Variants in STIM1 observed in about 807,000 individuals in gnomAD.
STIM1 encodes the protein stromal interaction molecule 1.
Under a neutral mutation model 74.7 loss-of-function variants are expected in STIM1, and 25 were observed. That is an observed-to-expected ratio of 0.33 (90% CI 0.24 to 0.47). The LOEUF (loss-of-function observed/expected upper bound fraction) is 0.47. Among genes scored for constraint, STIM1 ranks in the 20% least tolerant of loss-of-function variants. The pLI, the probability that STIM1 is intolerant of heterozygous loss-of-function variation, is 1.00. For missense variants in STIM1, 728 were observed against 920.8 expected (o/e 0.79, Z 2.71); for synonymous variants, 328 against 348.8 (o/e 0.94, Z 0.66).
At chr11:4,082,850 C>T (rs201776812) in intron 8 of STIM1, 32 bp from the exon 9 acceptor site, 3 of 1,588,172 alleles carry the variant, frequency 1.9e-6, no homozygotes, top group African/African-American at 1.3e-5. Flanking sequence ...CGAATCCCTG[C>T]TCTTTTTGAG....
At position 4,012,184 on chromosome 11, in the gene STIM1, T is replaced by G. The variant is rs192184539; in HGVS notation, c.271-11689T>G. Among the ~76,000 whole-genome samples, 32 of 152,352 alleles carry G rather than the reference T, an allele frequency of 2.1e-4. No homozygotes were observed. The East Asian group carries it at 5.6e-3, about 27-fold the overall frequency. The stretch of plus-strand genomic sequence containing the variant: ...ATGCCTCCAGCTTTGTTCTCTTTGC[T>G]TAGGATTGTCTTGGCTATGCGGACT... On this transcript the variant is annotated intron_variant, in intron 2 of 12. Coordinates refer to ENST00000526596, the MANE Select transcript of STIM1 (RefSeq NM_001382567.1).
intron 12 of STIM1, among the ~76,000 whole-genome samples, chr11:4,087,985 G>A (rs374684517): frequency 2.0e-5 from 3 of 152,000 alleles, no homozygotes; most frequent in Non-Finnish European, 4.4e-5. Flanking sequence ...AAAAGGGTAA[G>A]TAATTCCCTC....
chr11:3,954,743 G>A (rs373489162), intron 1 of STIM1, among the ~76,000 whole-genome samples: 16 of 152,106 alleles, frequency 1.1e-4, no homozygotes, highest in Non-Finnish European at 1.8e-4. Context: ...GCAGTCTAGC[G>A]TCACCACGTA....
intron 5 of STIM1, among the ~76,000 whole-genome samples, chr11:4,061,259 G>C (rs1477113958): frequency 2.0e-5 from 3 of 152,152 alleles, no homozygotes; most frequent in African/African-American, 7.2e-5. Context: ...CAGGATATCA[G>C]AACCAACAAG....
At chr11:3,971,784 G>T (rs1452330125) in intron 2 of STIM1, among the ~76,000 whole-genome samples, 2 of 152,168 alleles carry the variant, frequency 1.3e-5, no homozygotes, top group Non-Finnish European at 2.9e-5. Context: ...AAAGTACTAT[G>T]CCAAACATTT....
chr11:3,979,892 A>G (rs910983326), intron 2 of STIM1, among the ~76,000 whole-genome samples: 2 of 151,946 alleles, frequency 1.3e-5, no homozygotes, highest in Admixed American at 1.3e-4. Context: ...CCCTCCCTGC[A>G]CCCCTAGCCC....
intron 1 of STIM1, among the ~76,000 whole-genome samples, chr11:3,937,406 A>G (rs139193904): frequency 2.0e-3 from 306 of 152,204 alleles, no homozygotes; most frequent in African/African-American, 6.9e-3. Flanking sequence ...TTTATGAAGT[A>G]TTCAAAAACT....
chr11:3,939,456 C>G (rs1023378318), intron 1 of STIM1, among the ~76,000 whole-genome samples: 1 of 152,198 alleles, frequency 6.6e-6, no homozygotes, highest in African/African-American at 2.4e-5. Context: ...CTGCATTCCA[C>G]TTAGGCCAGA....
At chr11:3,908,339 A>C (rs1226199555) in intron 1 of STIM1, among the ~76,000 whole-genome samples, 1 of 152,220 alleles carries the variant, frequency 6.6e-6, no homozygotes, top group East Asian at 1.9e-4. Context: ...CTGGCCAGGC[A>C]CGGCGGCTCA....
intron 10 of STIM1, 117 bp from the exon 11 acceptor site, chr11:4,084,556 A>G: frequency 1.3e-6 from 1 of 746,746 alleles, no homozygotes; most frequent in Non-Finnish European, 2.0e-6. Context: ...AGGGACCTTA[A>G]TTAGCTCTGA....
chr11:3,977,086 C>T (rs765160184), intron 2 of STIM1, among the ~76,000 whole-genome samples: 33 of 152,196 alleles, frequency 2.2e-4, no homozygotes, highest in Non-Finnish European at 2.8e-4. Flanking sequence ...TGAGCCACCA[C>T]GCCTGGCCCC....
chr11:3,976,398 C>T (rs2093448925), intron 2 of STIM1, among the ~76,000 whole-genome samples: 1 of 152,092 alleles, frequency 6.6e-6, no homozygotes, highest in African/African-American at 2.4e-5. Context: ...GAGGTTTTGA[C>T]TACAAGGGGA....
rs752777695 is a variant in STIM1, at chr11:4,084,728, C to G, written c.1530C>G (p.Ser510=). 1.6e-6 allele frequency: 2 copies of G among 1,289,420 alleles called. No individual in the cohort carries two copies. The highest frequency in any genetic ancestry group is 2.5e-5 in the South Asian group (2 of 81,034). 79.9% of individuals were successfully genotyped at this position (1,289,420 alleles called of 1,614,324 possible). ...GTGACCGCTCTCTCTGCTCTACATC[C>G]GCCGGCTCGGATGATCAGTCCCTCT... The part of the protein sequence containing the change: ...RFSDRSLCST[S]AGSDDQSLWK... The change falls in exon 11 of 13, where the codon TCC becomes TCG. Residue 510 remains serine, a synonymous_variant. Coordinates refer to ENST00000526596, the MANE Select transcript of STIM1 (RefSeq NM_001382567.1).
At chr11:3,920,781 CT>C (rs539182387) in intron 1 of STIM1, among the ~76,000 whole-genome samples, 57 of 146,838 alleles carry the variant, frequency 3.9e-4, no homozygotes, top group Admixed American at 8.9e-4. Flanking sequence ...CCTGAAGTAT[CT>C]TTTTTTTTTT....
intron 1 of STIM1, among the ~76,000 whole-genome samples, chr11:3,934,506 C>T (rs2092909868): frequency 6.6e-6 from 1 of 152,174 alleles, no homozygotes; most frequent in Non-Finnish European, 1.5e-5. Flanking sequence ...TAGCTGTCTG[C>T]TTCACTCTCC....
chr11:3,928,571 G>T (rs2092818285), intron 1 of STIM1, among the ~76,000 whole-genome samples: 1 of 151,976 alleles, frequency 6.6e-6, no homozygotes, highest in Non-Finnish European at 1.5e-5. Flanking sequence ...TTATTCTGTG[G>T]ATTTTGTAGT....
At chr11:3,954,652 C>T (rs187877677) in intron 1 of STIM1, among the ~76,000 whole-genome samples, 1 of 152,264 alleles carries the variant, frequency 6.6e-6, no homozygotes, top group Admixed American at 6.5e-5. Context: ...AGATCAGCAG[C>T]ATGAGTCAGA....
At position 3,933,815 on chromosome 11, in the gene STIM1, C is replaced by A. The variant is rs78115830; in HGVS notation, c.140-33737C>A. Among the ~76,000 whole-genome samples the A allele has an allele frequency of 8.5e-5, 13 of 152,258 alleles. No individual in the cohort carries two copies. In the East Asian group the frequency reaches 2.5e-3, roughly 29 times the overall value. On this transcript the variant is annotated intron_variant, in intron 1 of 12. Coordinates refer to ENST00000526596, the MANE Select transcript of STIM1 (RefSeq NM_001382567.1). ...AATTTGGTGGGCTGCTTTTCTTAAT[C>A]CAGTTCCCACAGCATTCTCAGGAAG...
At chr11:3,884,902 C>G (rs1449104307) in intron 1 of STIM1, among the ~76,000 whole-genome samples, 4 of 152,084 alleles carry the variant, frequency 2.6e-5, no homozygotes, top group African/African-American at 9.7e-5. Context: ...AGTGAAAAGG[C>G]TACATATTGT....
Sources: allele counts gnomAD v4.1 joint callset (sites outside exome capture counted in the v4.1 genomes callset), GRCh38; gene constraint gnomAD v4.1.1; transcripts MANE v1.5; gene names NCBI Gene and HGNC (gene_info 2026-07-23, HGNC 2026-07-21).